PTP4A3: variants seen among roughly 807,000 people sequenced by gnomAD.
PTP4A3 encodes the protein protein tyrosine phosphatase 4A3.
A neutral mutation model predicts 15.2 loss-of-function variants in PTP4A3; 9 were observed. That is an observed-to-expected ratio of 0.59 (90% CI 0.36 to 1.03). The LOEUF (loss-of-function observed/expected upper bound fraction) is 1.03, where lower values mean the gene tolerates loss of function less well. Among genes scored for constraint, PTP4A3 ranks in the 50% least tolerant of loss-of-function variants. The pLI is 0.02. For synonymous variants in PTP4A3, 95 were observed against 102.0 expected (o/e 0.93, Z 0.41); for missense variants, 234 against 252.1 (o/e 0.93, Z 0.49).
chr8:141,417,411 T>A (rs952974767), intron 1 of PTP4A3, among the ~76,000 whole-genome samples: 1 of 151,990 alleles, frequency 6.6e-6, no homozygotes, highest in Middle Eastern at 3.4e-3. Flanking sequence ...GCTGGTGGGC[T>A]GGGCAGGGGG....
intron 1 of PTP4A3, among the ~76,000 whole-genome samples, chr8:141,410,091 C>T (rs62522495): frequency 0.042 from 6,396 of 152,266 alleles, 162 homozygotes; most frequent in Non-Finnish European, 0.046. Context: ...CGGACGGTCA[C>T]CGCGGTCACA....
In PTP4A3 at chr8:141,427,799, G is replaced by A. The variant is rs1280337670; in HGVS notation, c.379G>A (p.Glu127Lys). The A allele has an allele frequency of 2.6e-6, 4 of 1,551,402 alleles. No individual in the cohort carries two copies. The highest frequency in any genetic ancestry group is 2.6e-6 in the Non-Finnish European group (3 of 1,147,414). ...LALIESGMKY[E>K]DAIQFIRQKR... ...CCTTATTGAGAGCGGGATGAAGTACGAGGACGCCATCCAGTTCATCCGCCA... is the reference window on the plus strand; with the variant it reads ...CCTTATTGAGAGCGGGATGAAGTACAAGGACGCCATCCAGTTCATCCGCCA... Residue 127 changes from glutamate to lysine, a missense_variant, in exon 5 of 6, where the codon GAG (glutamate) becomes AAG (lysine). Coordinates refer to ENST00000521578, the MANE Select transcript of PTP4A3 (RefSeq NM_032611.3).
Position 141,431,052 on chromosome 8 carries a change from C to G in PTP4A3, c.*8C>G, listed in dbSNP as rs1833851417. ...CGGTGCTGCGTTATGTAGCTCAGGA[C>G]CTTGGCTGGGCCTGGTCGTCATGTA... On this transcript the variant is annotated 3_prime_UTR_variant, in exon 6 of 6. Transcript: ENST00000521578. The G allele has an allele frequency of 6.2e-7, 1 of 1,612,556 alleles. No homozygotes were observed. The highest frequency in any genetic ancestry group is 2.2e-5 in the East Asian group (1 of 44,886).
At chr8:141,414,221 C>T (rs1832952868) in intron 1 of PTP4A3, among the ~76,000 whole-genome samples, 1 of 152,208 alleles carries the variant, frequency 6.6e-6, no homozygotes, top group African/African-American at 2.4e-5. Flanking sequence ...CCTGTCTGAG[C>T]CACCGACTTG....
intron 5 of PTP4A3, among the ~76,000 whole-genome samples, chr8:141,429,991 A>C (rs1179278479): frequency 1.3e-5 from 1 of 74,562 alleles, no homozygotes; most frequent in Non-Finnish European, 2.8e-5. Context: ...TGTAAGGACC[A>C]GGTGGCGGGG....
At position 141,431,230 on chromosome 8, in the gene PTP4A3, G is replaced by C. The variant is rs990788034; in HGVS notation, c.*186G>C. The C allele has an allele frequency of 9.8e-6, 6 of 610,606 alleles. No individual in the cohort carries two copies. In the African/African-American group the frequency reaches 1.1e-4, roughly 11 times the overall value. The allele number at this position is 610,606 out of a possible 1,614,324, so 37.8% of individuals were successfully genotyped here. A position where few individuals can be genotyped will look rare whatever the true frequency, so the allele number is the denominator to read the frequency against. The stretch of plus-strand genomic sequence containing the variant: ...AGGAGCGAGGAGCCCCTCGGGCCCT[G>C]GGTGGCCTCTGGGCCCTTTCTCCTG... On this transcript the variant is annotated 3_prime_UTR_variant, in exon 6 of 6. Coordinates refer to ENST00000521578, the MANE Select transcript of PTP4A3 (RefSeq NM_032611.3).
At position 141,423,168 on chromosome 8, in the gene PTP4A3, T is replaced by C. The variant is rs148992454; in HGVS notation, c.105+823T>C. Among the ~76,000 whole-genome samples, 1,349 of 152,212 alleles carry C rather than the reference T, an allele frequency of 8.9e-3. 25 individuals carry two copies. The highest frequency in any genetic ancestry group is 0.031 in the African/African-American group (1,276 of 41,532). ...CATGGTCTTGTCATAATGAAACAGA[T>C]TTGGGCGTGAGAGGGCATTAAGAAC... On this transcript the variant is annotated intron_variant, in intron 2 of 5. Coordinates refer to ENST00000521578, the MANE Select transcript of PTP4A3 (RefSeq NM_032611.3).
chr8:141,417,043 G>T (rs1246529473), intron 1 of PTP4A3, among the ~76,000 whole-genome samples: 4 of 152,164 alleles, frequency 2.6e-5, no homozygotes, highest in African/African-American at 7.2e-5. Flanking sequence ...GGTGATGCCA[G>T]CTGCATCCCT....
At position 141,431,767 on chromosome 8, in the gene PTP4A3, T is replaced by G. The variant is rs1386388163; in HGVS notation, c.*723T>G. The G allele has an allele frequency of 6.6e-6, 1 of 152,528 alleles. No homozygotes were observed. Among genetic ancestry groups the G allele is most frequent in the African/African-American group, 2.4e-5 (1 of 41,468 alleles). 9.4% of individuals were successfully genotyped at this position (152,528 alleles called of 1,614,324 possible). On this transcript the variant is annotated 3_prime_UTR_variant, in exon 6 of 6. Coordinates refer to ENST00000521578, the MANE Select transcript of PTP4A3 (RefSeq NM_032611.3). ...TGGCCGTGTTGACGGTTCTTGGGACTGTGACATTGGAAGGCGAGGCAGGTC... is the reference window on the plus strand; with the variant it reads ...TGGCCGTGTTGACGGTTCTTGGGACGGTGACATTGGAAGGCGAGGCAGGTC...
chr8:141,425,025 C>T lies in PTP4A3; in HGVS notation c.106-23C>T. 6.3e-7 allele frequency: 1 copy of T among 1,598,416 alleles called. No homozygotes were observed. ...CCCTGCAGCCCCAGCCCAGCCCTGCCTCCTCCGTCCTCCCACCCCCAGGAC... is the reference window on the plus strand; with the variant it reads ...CCCTGCAGCCCCAGCCCAGCCCTGCTTCCTCCGTCCTCCCACCCCCAGGAC... On this transcript the variant is annotated intron_variant, in intron 2 of 5. Transcript: ENST00000521578. This position sits in a 1 kb window ranked among gnomAD's most constrained non-coding sequence, Gnocchi z 4.2.
Position 141,425,196 on chromosome 8 carries a change from C to CCCCGGGGGGGGGGGGGGGGGG in PTP4A3, c.198+56_198+57insCCCGGGGGGGGGGGGGGGGGG. 3 of 361,478 alleles carry CCCCGGGGGGGGGGGGGGGGGG rather than the reference C, an allele frequency of 8.3e-6. No homozygotes were observed. Among genetic ancestry groups the CCCCGGGGGGGGGGGGGGGGGG allele is most frequent in the Non-Finnish European group, 1.1e-5 (2 of 185,984 alleles). 22.4% of individuals were successfully genotyped at this position (361,478 alleles called of 1,614,324 possible). ...CTGCTGCCACCGGGGGAGGGTGGGGCGGGGGGCTCCGGGCCTGCGCAGAGG... is the reference window on the plus strand; with the variant it reads ...CTGCTGCCACCGGGGGAGGGTGGGGCCCCGGGGGGGGGGGGGGGGGGGGGGGGCTCCGGGCCTGCGCAGAGG... On this transcript the variant is annotated intron_variant, in intron 3 of 5. Coordinates refer to ENST00000521578, the MANE Select transcript of PTP4A3 (RefSeq NM_032611.3). The surrounding 1 kb of genome is among the most constrained non-coding windows in gnomAD (Gnocchi z 4.2).
At chr8:141,430,396 G>A (rs1183305914) in intron 5 of PTP4A3, among the ~76,000 whole-genome samples, 4 of 149,618 alleles carry the variant, frequency 2.7e-5, no homozygotes, top group African/African-American at 9.9e-5. Context: ...CCACGTCCCC[G>A]CTGTAAGGAC....
chr8:141,428,990 G>C (rs1000202971), intron 5 of PTP4A3, among the ~76,000 whole-genome samples: 5 of 152,228 alleles, frequency 3.3e-5, no homozygotes, highest in African/African-American at 1.2e-4. Context: ...CCGAGCAAGG[G>C]CTTGTCTCTC....
At chr8:141,395,853 T>C (rs140181808) in intron 1 of PTP4A3, among the ~76,000 whole-genome samples, 1,546 of 152,234 alleles carry the variant, frequency 0.01, 24 homozygotes, top group African/African-American at 0.034. Context: ...CCTCTCCTGG[T>C]GTCTTCCCCA....
chr8:141,400,128 A>C (rs758509624), intron 1 of PTP4A3, among the ~76,000 whole-genome samples: 2 of 152,138 alleles, frequency 1.3e-5, no homozygotes, highest in Non-Finnish European at 2.9e-5. Context: ...TCCTGGACTC[A>C]AGTGATCCTC....
At chr8:141,413,892 A>G (rs2129968338) in intron 1 of PTP4A3, among the ~76,000 whole-genome samples, 1 of 150,710 alleles carries the variant, frequency 6.6e-6, no homozygotes, top group African/African-American at 2.5e-5. Context: ...GACATGGAGG[A>G]TTCAGGGCTC....
chr8:141,392,141 G>C (rs1832296396), intron 1 of PTP4A3, 57 bp downstream of exon 1: 1 of 147,236 alleles, frequency 6.8e-6, no homozygotes, highest in African/African-American at 2.4e-5. Context: ...GTGGAGGCGC[G>C]TGGGGGGCCG....
chr8:141,425,558 C>T lies in PTP4A3; in HGVS notation c.198+418C>T, dbSNP rs969571683. Among the ~76,000 whole-genome samples the T allele has an allele frequency of 9.4e-5, 13 of 138,228 alleles. No homozygotes were observed. Among genetic ancestry groups the T allele is most frequent in the Non-Finnish European group, 4.5e-5 (3 of 66,280 alleles). 90.7% of individuals were successfully genotyped at this position (138,228 alleles called of 152,430 possible). On this transcript the variant is annotated intron_variant, in intron 3 of 5. Coordinates refer to ENST00000521578, the MANE Select transcript of PTP4A3 (RefSeq NM_032611.3). This position sits in a 1 kb window ranked among gnomAD's most constrained non-coding sequence, Gnocchi z 4.2. ...GGGGAGGGCCCTTGGGCAGTTTCCT[C>T]GGCTTCTTTGGCCCTGGGGACCCAG...
In PTP4A3 at chr8:141,400,205, T is replaced by G. The variant is rs533718464; in HGVS notation, c.-854+8121T>G. Among the ~76,000 whole-genome samples, 4 of 151,720 alleles carry G rather than the reference T, an allele frequency of 2.6e-5. No individual in the cohort carries two copies. In the South Asian group the frequency reaches 8.4e-4, roughly 32 times the overall value. On this transcript the variant is annotated intron_variant, in intron 1 of 5. Transcript: ENST00000521578. ...ACTGCGCCCGGCCCACCACTGTGCC[T>G]GGCCTGCCTCTGCGCCTGGCCCACC...
Sources: gnomAD v4.1 joint callset for allele counts (sites outside exome capture counted in the v4.1 genomes callset) on GRCh38, gnomAD v4.1.1 for gene constraint, Gnocchi (gnomAD v3.1) non-coding constraint, MANE v1.5 for transcripts, NCBI Gene and HGNC (gene_info 2026-07-23, HGNC 2026-07-21) for gene names.